The following GPC5 variants were observed in gnomAD, a reference collection of about 807,000 sequenced individuals.
GPC5 encodes the protein glypican 5.
In GPC5, 47 loss-of-function variants were observed where a neutral mutation model predicts 53.9. The ratio of observed to expected loss-of-function variants is 0.87; its 90% CI spans 0.69 to 1.11. GPC5 has a LOEUF of 1.11. Ranked by LOEUF, GPC5 falls within the 50% of genes most tolerant of loss-of-function variation. The pLI is 0.00. For missense variants in GPC5, 748 were observed against 713.1 expected, an observed-to-expected ratio of 1.05 and a Z score of -0.56; for synonymous variants, 286 against 263.3, an observed-to-expected ratio of 1.09 and a Z score of -0.84.
intron 6 of GPC5, among the ~76,000 whole-genome samples, chr13:91,931,318 C>A (rs1006846926): frequency 6.6e-6 from 1 of 151,962 alleles, no homozygotes; most frequent in African/African-American, 2.4e-5. Flanking sequence ...CATCAAAAAG[C>A]AACTCGGTAA....
At chr13:92,283,631 C>T (rs1387537857) in intron 7 of GPC5, among the ~76,000 whole-genome samples, 1 of 152,206 alleles carries the variant, frequency 6.6e-6, no homozygotes, top group Non-Finnish European at 1.5e-5. Context: ...ACAACCTGCT[C>T]CTGAATGACT....
At chr13:92,200,685 A>T (rs1286975630) in intron 7 of GPC5, among the ~76,000 whole-genome samples, 1 of 152,184 alleles carries the variant, frequency 6.6e-6, no homozygotes, top group East Asian at 1.9e-4. Flanking sequence ...ATTTTGTAAA[A>T]CCATGGGGGA....
At chr13:92,606,291 A>T (rs559310075) in intron 7 of GPC5, among the ~76,000 whole-genome samples, 318 of 152,002 alleles carry the variant, frequency 2.1e-3, no homozygotes, top group African/African-American at 7.4e-3. Context: ...CCTTTGTCCA[A>T]GTGTTCTCAT....
intron 7 of GPC5, among the ~76,000 whole-genome samples, chr13:92,232,960 T>C (rs2042542296): frequency 6.6e-6 from 1 of 152,224 alleles, no homozygotes; most frequent in Non-Finnish European, 1.5e-5. Context: ...TGAATGGTGT[T>C]CTTTCAAAAA....
intron 3 of GPC5, among the ~76,000 whole-genome samples, chr13:91,720,381 C>T (rs1397280407): frequency 6.6e-6 from 1 of 152,140 alleles, no homozygotes; most frequent in Non-Finnish European, 1.5e-5. Context: ...GCTTTTGAAA[C>T]ATTTAATCAT....
chr13:91,398,877 A>T lies in GPC5; in HGVS notation c.-170A>T. On this transcript the variant is annotated 5_prime_UTR_variant, in exon 1 of 8. Transcript: ENST00000377067. ...TCAGCTTAGGGCCTCCTCCGGGAAG[A>T]GCTAACTGCTCCCAGGTGAAGCCGG... The T allele has an allele frequency of 1.4e-6, 1 of 696,024 alleles. No individual in the cohort carries two copies. Among genetic ancestry groups the T allele is most frequent in the Non-Finnish European group, 2.3e-6 (1 of 438,382 alleles). The allele number at this position is 696,024 out of a possible 1,614,324, so 43.1% of individuals were successfully genotyped here.
chr13:91,521,828 T>C (rs1012761039), intron 2 of GPC5, among the ~76,000 whole-genome samples: 2 of 152,204 alleles, frequency 1.3e-5, no homozygotes, highest in Non-Finnish European at 2.9e-5. Flanking sequence ...CGACTTCAGA[T>C]GCCAGTTAAA....
chr13:92,772,337 C>T (rs773425618), intron 7 of GPC5, among the ~76,000 whole-genome samples: 2 of 152,162 alleles, frequency 1.3e-5, no homozygotes, highest in Non-Finnish European at 2.9e-5. Context: ...TGCTTTAATT[C>T]CTAACCCTGT....
At chr13:92,181,669 A>T (rs1017544380) in intron 7 of GPC5, among the ~76,000 whole-genome samples, 1 of 152,228 alleles carries the variant, frequency 6.6e-6, no homozygotes, top group Non-Finnish European at 1.5e-5. Context: ...AAAGCAAAAC[A>T]GATACATAAC....
intron 2 of GPC5, among the ~76,000 whole-genome samples, chr13:91,545,155 C>T (rs1318894047): frequency 6.6e-6 from 1 of 152,156 alleles, no homozygotes; most frequent in Non-Finnish European, 1.5e-5. Flanking sequence ...TAAGTCCAGC[C>T]ATCATTCAAT....
intron 7 of GPC5, among the ~76,000 whole-genome samples, chr13:92,700,368 C>T (rs1301946248): frequency 4.6e-5 from 7 of 150,832 alleles, no homozygotes; most frequent in African/African-American, 1.7e-4. Context: ...GCATACAGCA[C>T]TCTGATGGGT....
At chr13:91,799,570 C>T (rs2038101174) in intron 5 of GPC5, among the ~76,000 whole-genome samples, 1 of 152,022 alleles carries the variant, frequency 6.6e-6, no homozygotes, top group South Asian at 2.1e-4. Context: ...ATGTCTCTTC[C>T]CCCTATACTA....
chr13:92,527,105 GAAAA>G (rs58962175), intron 7 of GPC5, among the ~76,000 whole-genome samples: 4 of 47,660 alleles, frequency 8.4e-5, no homozygotes, highest in African/African-American at 2.6e-4. Context: ...GGAAAAGAAA[GAAAA>G]AAGAAAGAAA....
intron 7 of GPC5, among the ~76,000 whole-genome samples, chr13:92,310,281 T>G (rs2043136985): frequency 6.6e-6 from 1 of 152,182 alleles, no homozygotes; most frequent in Non-Finnish European, 1.5e-5. Flanking sequence ...CTATGTATTT[T>G]TAATTTTCAC....
At chr13:91,613,919 T>A (rs2033627374) in intron 2 of GPC5, among the ~76,000 whole-genome samples, 1 of 152,076 alleles carries the variant, frequency 6.6e-6, no homozygotes, top group Non-Finnish European at 1.5e-5. Flanking sequence ...GGAGGAGAAG[T>A]AGATGAAGAC....
chr13:92,544,927 T>C (rs1882050457), intron 7 of GPC5, among the ~76,000 whole-genome samples: 1 of 152,044 alleles, frequency 6.6e-6, no homozygotes, highest in Admixed American at 6.6e-5. Flanking sequence ...TTTTTTATTT[T>C]TTTTATTATA....
rs1878687408 is a variant in GPC5, at chr13:92,848,629, CTCTCTGTGTGTG to C, written c.1562-17652_1562-17641del. Among the ~76,000 whole-genome samples the C allele has an allele frequency of 4.6e-5, 7 of 151,910 alleles. No homozygotes were observed. In the South Asian group the frequency reaches 1.5e-3, roughly 31 times the overall value. ...TATATAGACATATAGACATATATGA[CTCTCTGTGTGTG>C]ACTCTGTGTGTGTGTCTATATATAT... On this transcript the variant is annotated intron_variant, in intron 7 of 7. Coordinates refer to ENST00000377067, the MANE Select transcript of GPC5 (RefSeq NM_004466.6).
intron 2 of GPC5, among the ~76,000 whole-genome samples, chr13:91,458,765 A>G (rs1037046211): frequency 6.6e-6 from 1 of 152,150 alleles, no homozygotes; most frequent in Non-Finnish European, 1.5e-5. Context: ...TGTTTATAGC[A>G]GCACAATTTG....
At chr13:92,305,510 GTTA>G (rs1162105047) in intron 7 of GPC5, among the ~76,000 whole-genome samples, 1 of 151,348 alleles carries the variant, frequency 6.6e-6, no homozygotes, top group Admixed American at 6.6e-5. Context: ...TTCACACAGA[GTTA>G]TTATGGAAAT....
Sources: allele counts gnomAD v4.1 joint callset (sites outside exome capture counted in the v4.1 genomes callset), GRCh38; gene constraint gnomAD v4.1.1; transcripts MANE v1.5; gene names NCBI Gene and HGNC (gene_info 2026-07-23, HGNC 2026-07-21).